SDK1: variants seen among roughly 807,000 people sequenced by gnomAD.
SDK1 encodes the protein protein sidekick-1.
Under a neutral mutation model 245.5 loss-of-function variants are expected in SDK1, and 157 were observed. That is an observed-to-expected ratio of 0.64 (90% CI 0.56 to 0.73). The LOEUF is 0.73. Ranked by LOEUF, SDK1 falls within the 30% of genes least tolerant of loss-of-function variation. SDK1 has a pLI of 0.00. For missense variants in SDK1, 3,583 were observed against 3,002.3 expected, an observed-to-expected ratio of 1.19 and a Z score of -4.52; for synonymous variants, 1,647 against 1,278.5, an observed-to-expected ratio of 1.29 and a Z score of -6.15.
chr7:4,180,404 G>GCCCAGTGCCCA (rs1395029457), intron 35 of SDK1, among the ~76,000 whole-genome samples: 2 of 116,198 alleles, frequency 1.7e-5, no homozygotes, highest in African/African-American at 3.4e-5. Context: ...CCCAGCGCCT[G>GCCCAGTGCCCA]GCTCCAGCTC....
intron 44 of SDK1, among the ~76,000 whole-genome samples, chr7:4,252,310 T>C (rs1405836808): frequency 6.6e-6 from 1 of 151,852 alleles, no homozygotes; most frequent in African/African-American, 2.4e-5. Context: ...ATGCGGTGTT[T>C]GGTTTTTTGT....
At chr7:3,332,804 T>C (rs1780102930) in intron 1 of SDK1, among the ~76,000 whole-genome samples, 1 of 152,174 alleles carries the variant, frequency 6.6e-6, no homozygotes, top group African/African-American at 2.4e-5. Context: ...ACAGAAAATA[T>C]TTTTGGTAAA....
chr7:3,376,149 A>G (rs1583765367), intron 1 of SDK1, among the ~76,000 whole-genome samples: 1 of 152,140 alleles, frequency 6.6e-6, no homozygotes, highest in South Asian at 2.1e-4. Context: ...GTGAGCCATG[A>G]TCATGCCTCT....
At chr7:3,306,327 A>G (rs966163059) in intron 1 of SDK1, among the ~76,000 whole-genome samples, 1 of 152,028 alleles carries the variant, frequency 6.6e-6, no homozygotes, top group African/African-American at 2.4e-5. Context: ...CCCTACCCCA[A>G]TTTTTCTTTC....
At chr7:3,676,445 C>T (rs1293402858) in intron 4 of SDK1, among the ~76,000 whole-genome samples, 1 of 151,874 alleles carries the variant, frequency 6.6e-6, no homozygotes, top group Non-Finnish European at 1.5e-5. Flanking sequence ...CCTGCCTCAG[C>T]TTCCCAAGTA....
At position 4,149,326 on chromosome 7, in the gene SDK1, G is replaced by T; in HGVS notation, c.4488G>T (p.Arg1496=). The change falls in exon 30 of 45, where the codon CGG becomes CGT. Residue 1496 remains arginine, a synonymous_variant. Transcript: ENST00000404826. ...PQAEVTARSL[R]LQWVPGSDGA... ...CAGAAGTGACCGCACGCAGCCTCCG[G>T]CTCCAGTGGGTCCCGGGCAGCGACG... 6.3e-7 allele frequency: 1 copy of T among 1,591,372 alleles called. No individual in the cohort carries two copies. The highest frequency in any genetic ancestry group is 8.6e-7 in the Non-Finnish European group (1 of 1,169,260).
chr7:4,138,856 G>C (rs574103575), intron 28 of SDK1, among the ~76,000 whole-genome samples: 1 of 152,312 alleles, frequency 6.6e-6, no homozygotes, highest in African/African-American at 2.4e-5. Context: ...AGTTATCTCT[G>C]AGTGGCAGCA....
chr7:3,974,685 T>C, intron 13 of SDK1, 140 bp downstream of exon 13: 1 of 674,972 alleles, frequency 1.5e-6, no homozygotes, highest in African/African-American at 1.8e-5. Context: ...TCATGCTGCA[T>C]AACTACATAT....
chr7:3,392,961 A>ATTTTTTTTTTTTTTTTTTTTT (rs572782966), intron 1 of SDK1, among the ~76,000 whole-genome samples: 1 of 87,124 alleles, frequency 1.1e-5, no homozygotes. Context: ...CCTGTTTTAA[A>ATTTTTTTTTTTTTTTTTTTTT]TTTTTTTTTT....
chr7:3,986,952 A>G (rs903665582), intron 13 of SDK1, among the ~76,000 whole-genome samples: 4 of 152,234 alleles, frequency 2.6e-5, no homozygotes, highest in African/African-American at 9.6e-5. Context: ...GGTAGCTAGC[A>G]TAAGGGTTCC....
rs200518584 is a variant in SDK1 at position 3,969,320 on chromosome 7, G to C, written c.1610G>C (p.Gly537Ala). 18 of 1,610,988 alleles carry C rather than the reference G, an allele frequency of 1.1e-5. No homozygotes were observed. Among genetic ancestry groups the C allele is most frequent in the Non-Finnish European group, 1.4e-5 (17 of 1,178,692 alleles). Reference protein sequence around the residue: ...IPRFMLLESGGLQIAPVFIQD... With the variant: ...IPRFMLLESGALQIAPVFIQD... Reference sequence around the variant, plus strand: ...AGGTTCATGCTTCTTGAATCGGGGGGTCTACAGATCGCGCCCGTCTTCATC... The same window carrying C: ...AGGTTCATGCTTCTTGAATCGGGGGCTCTACAGATCGCGCCCGTCTTCATC... The change falls in exon 11 of 45, where the codon GGT becomes GCT. Residue 537 changes from glycine (G) to alanine (A), a missense_variant. Transcript: ENST00000404826.
In SDK1 at chr7:3,817,135, A is replaced by G. The variant is rs190328515; in HGVS notation, c.714-4315A>G. On this transcript the variant is annotated intron_variant, in intron 4 of 44. Coordinates refer to ENST00000404826, the MANE Select transcript of SDK1 (RefSeq NM_152744.4). ...AAGAGCAAAATACTTATTGATAACC[A>G]AAGACAATTTATATTTTCATGGAAG... Among the ~76,000 whole-genome samples the G allele has an allele frequency of 1.0e-3, 152 of 152,308 alleles. 1 individual carries two copies. Among genetic ancestry groups the G allele is most frequent in the African/African-American group, 3.5e-3 (144 of 41,566 alleles).
At chr7:4,134,467 C>T (rs148735468) in intron 28 of SDK1, among the ~76,000 whole-genome samples, 1 of 152,314 alleles carries the variant, frequency 6.6e-6, no homozygotes, top group East Asian at 1.9e-4. Context: ...GGAGCCCCAC[C>T]CAGGCAGGCC....
chr7:3,431,623 A>C (rs1266510317), intron 1 of SDK1, among the ~76,000 whole-genome samples: 2 of 152,102 alleles, frequency 1.3e-5, no homozygotes, highest in Admixed American at 6.6e-5. Context: ...TTTTGTGGTA[A>C]TCTTTTATTG....
Position 4,132,323 on chromosome 7 carries a change from A to G in SDK1, c.4130-2A>G. ...CTGAATCCCTGTGGTTTTTCCCTTC[A>G]GCCCCAGGCCCACCAGTGAGGCTCG... On this transcript the variant is annotated splice_acceptor_variant, in intron 27 of 44. Coordinates refer to ENST00000404826, the MANE Select transcript of SDK1 (RefSeq NM_152744.4). LOFTEE classifies it high-confidence loss of function. 6.2e-7 allele frequency: 1 copy of G among 1,607,090 alleles called. No homozygotes were observed. Among genetic ancestry groups the G allele is most frequent in the Non-Finnish European group, 8.5e-7 (1 of 1,174,644 alleles).
Position 3,387,065 on chromosome 7 carries a change from T to C in SDK1, c.298+85181T>C, listed in dbSNP as rs1781626947. The stretch of plus-strand genomic sequence containing the variant: ...CACATTTCAAAAATGGTTTCCCAAG[T>C]GAGCATATGTTTACTCTTGGCTGAC... On this transcript the variant is annotated intron_variant, in intron 1 of 44. Coordinates refer to ENST00000404826, the MANE Select transcript of SDK1 (RefSeq NM_152744.4). Among the ~76,000 whole-genome samples the C allele has an allele frequency of 2.0e-5, 3 of 152,270 alleles. No homozygotes were observed. The South Asian group carries it at 6.2e-4, about 32-fold the overall frequency.
At chr7:3,738,258 T>C (rs1278767687) in intron 4 of SDK1, among the ~76,000 whole-genome samples, 8 of 152,248 alleles carry the variant, frequency 5.3e-5, no homozygotes, top group Admixed American at 1.3e-4. Context: ...CTTCATTCTT[T>C]TGCATGTGGA....
chr7:3,570,630 T>A (rs538036109), intron 1 of SDK1, among the ~76,000 whole-genome samples: 82 of 152,340 alleles, frequency 5.4e-4, no homozygotes, highest in African/African-American at 1.9e-3. Context: ...TTTCTAATGA[T>A]AGGTTAATTC....
chr7:3,950,565 A>G lies in SDK1; in HGVS notation c.848-358A>G, dbSNP rs938840861. Among the ~76,000 whole-genome samples the G allele has an allele frequency of 1.2e-4, 18 of 152,334 alleles. No individual in the cohort carries two copies. In the Middle Eastern group the frequency reaches 0.01, roughly 86 times the overall value. ...GTCTCTTAGTGTGCCTGATTTACAC[A>G]TTTATGACAGGTGTGTATGCAGAGG... On this transcript the variant is annotated intron_variant, in intron 5 of 44. Transcript: ENST00000404826.
Sources: gnomAD v4.1 joint callset for allele counts (sites outside exome capture counted in the v4.1 genomes callset) on GRCh38, gnomAD v4.1.1 for gene constraint, MANE v1.5 for transcripts, NCBI Gene and HGNC (gene_info 2026-07-23, HGNC 2026-07-21) for gene names.